IFTAP: variants seen among roughly 807,000 people sequenced by gnomAD.
IFTAP encodes intraflagellar transport associated protein, also known as intraflagellar transport-associated protein.
In IFTAP, 19 loss-of-function variants were observed where a neutral mutation model predicts 19.4. The ratio of observed to expected loss-of-function variants is 0.98; its 90% CI spans 0.68 to 1.44. The LOEUF (loss-of-function observed/expected upper bound fraction) is 1.44. Among genes scored for constraint, IFTAP ranks in the 40% most tolerant of loss-of-function variants. The pLI, the probability that IFTAP is intolerant of heterozygous loss-of-function variation, is 0.00. For missense variants in IFTAP, 240 were observed against 253.6 expected (o/e 0.95, Z 0.36); for synonymous variants, 85 against 83.5 (o/e 1.02, Z -0.10).
chr11:36,648,105 G>A lies in IFTAP; in HGVS notation c.448G>A (p.Glu150Lys). 6.2e-7 allele frequency: 1 copy of A among 1,613,458 alleles called. No homozygotes were observed. The highest frequency in any genetic ancestry group is 2.2e-5 in the East Asian group (1 of 44,866). ...TTTTGTGGCCCAGCCTCCTACCTGTGAAGTGAAGCCAAAGCCCAGTGTTAA... is the reference window on the plus strand; with the variant it reads ...TTTTGTGGCCCAGCCTCCTACCTGTAAAGTGAAGCCAAAGCCCAGTGTTAA... ...IPFVAQPPTC[E>K]VKPKPSVKRM... The change falls in exon 5 of 6, where the codon GAA becomes AAA. Residue 150 changes from glutamate to lysine, a missense_variant. Physicochemically the swap from Glu to Lys is moderately conservative, Grantham distance 56 (BLOSUM62 1). Coordinates refer to ENST00000334307, the MANE Select transcript of IFTAP (RefSeq NM_138787.4).
At chr11:36,606,107 A>G (rs1244318382) in intron 1 of IFTAP, among the ~76,000 whole-genome samples, 1 of 152,218 alleles carries the variant, frequency 6.6e-6, no homozygotes, top group East Asian at 1.9e-4. Context: ...GAAGATGGGT[A>G]TTGTTAAACT....
At chr11:36,597,010 A>G (rs967509691) in intron 1 of IFTAP, among the ~76,000 whole-genome samples, 3 of 152,176 alleles carry the variant, frequency 2.0e-5, no homozygotes, top group Non-Finnish European at 4.4e-5. Context: ...GGCTCATTTC[A>G]TAATTTCAAG....
At chr11:36,626,047 T>A (rs1852498032) in intron 2 of IFTAP, among the ~76,000 whole-genome samples, 1 of 150,798 alleles carries the variant, frequency 6.6e-6, no homozygotes, top group South Asian at 2.1e-4. Flanking sequence ...AGATCGGGCA[T>A]GGATAGCTTT....
chr11:36,639,186 A>G (rs1438958186), intron 4 of IFTAP, among the ~76,000 whole-genome samples: 2 of 150,664 alleles, frequency 1.3e-5, no homozygotes, highest in Non-Finnish European at 3.0e-5. Flanking sequence ...GTTCATCTTT[A>G]TTTTTATGCT....
chr11:36,643,712 A>G (rs1471210966), intron 4 of IFTAP, among the ~76,000 whole-genome samples: 9 of 152,222 alleles, frequency 5.9e-5, no homozygotes, highest in Admixed American at 5.9e-4. Context: ...CAACCATCTG[A>G]TCTTTGACAA....
intron 2 of IFTAP, among the ~76,000 whole-genome samples, chr11:36,627,541 G>C (rs150763515): frequency 6.6e-6 from 1 of 151,188 alleles, no homozygotes; most frequent in African/African-American, 2.5e-5. Context: ...TAAGTTTAAC[G>C]TAGAAAAGGG....
intron 2 of IFTAP, among the ~76,000 whole-genome samples, chr11:36,631,338 A>G (rs1475038705): frequency 1.3e-5 from 2 of 151,344 alleles, no homozygotes; most frequent in Non-Finnish European, 2.9e-5. Context: ...TTTAAAGAGA[A>G]CGTGATGCAT....
At chr11:36,652,886 T>C (rs1853807059) in intron 5 of IFTAP, among the ~76,000 whole-genome samples, 1 of 152,016 alleles carries the variant, frequency 6.6e-6, no homozygotes, top group Non-Finnish European at 1.5e-5. Context: ...CTTGCCTTAG[T>C]TACTTTATTT....
At chr11:36,594,871 T>C (rs1851143429) in intron 1 of IFTAP, 1 of 152,374 alleles carries the variant, frequency 6.6e-6, no homozygotes. Flanking sequence ...CCTGTCTGGA[T>C]GCTTAGGAGC....
At chr11:36,605,430 T>C (rs978190341) in intron 1 of IFTAP, among the ~76,000 whole-genome samples, 19 of 152,176 alleles carry the variant, frequency 1.2e-4, no homozygotes, top group African/African-American at 4.6e-4. Flanking sequence ...AGTAAGTTCA[T>C]TAAGCAGGGA....
At chr11:36,631,635 C>A (rs1263762506) in intron 2 of IFTAP, among the ~76,000 whole-genome samples, 1 of 150,984 alleles carries the variant, frequency 6.6e-6, no homozygotes, top group African/African-American at 2.5e-5. Context: ...TCTGTAACCC[C>A]TTCAGTTACA....
chr11:36,623,182 A>G (rs1852373810), intron 2 of IFTAP, among the ~76,000 whole-genome samples: 1 of 152,140 alleles, frequency 6.6e-6, no homozygotes, highest in Non-Finnish European at 1.5e-5. Flanking sequence ...CAGTAGTTCT[A>G]CTAGTGTGCA....
chr11:36,636,177 C>T lies in IFTAP; in HGVS notation c.358+60C>T, dbSNP rs942431670. On this transcript the variant is annotated intron_variant, in intron 4 of 5. Coordinates refer to ENST00000334307, the MANE Select transcript of IFTAP (RefSeq NM_138787.4). ...CTCTTTCTAGAAACTACAAATAAGG[C>T]TTTAGACAGCTTTCCTGTTTTTGGC... 23 of 1,280,224 alleles carry T rather than the reference C, an allele frequency of 1.8e-5. No homozygotes were observed. The African/African-American group carries it at 3.3e-4, about 18-fold the overall frequency. The allele number at this position is 1,280,224 out of a possible 1,614,324, so 79.3% of individuals were successfully genotyped here. A position where few individuals can be genotyped will look rare whatever the true frequency, so the allele number is the denominator to read the frequency against.
At chr11:36,609,959 T>A (rs1851816317) in intron 1 of IFTAP, 122 bp from the exon 2 acceptor site, 8 of 808,186 alleles carry the variant, frequency 9.9e-6, no homozygotes, top group South Asian at 8.3e-5. Flanking sequence ...AGGTCACTGC[T>A]CTAGTAACTA....
intron 5 of IFTAP, among the ~76,000 whole-genome samples, chr11:36,651,984 C>T (rs1273026519): frequency 3.3e-5 from 5 of 152,118 alleles, no homozygotes; most frequent in Admixed American, 6.6e-5. Context: ...AGTCAGGTAG[C>T]GTGATGCCTC....
intron 4 of IFTAP, among the ~76,000 whole-genome samples, chr11:36,637,044 A>G (rs945540075): frequency 6.6e-6 from 1 of 151,674 alleles, no homozygotes; most frequent in South Asian, 2.1e-4. Flanking sequence ...ATGTTTAACT[A>G]TTGTTTACTG....
intron 5 of IFTAP, among the ~76,000 whole-genome samples, chr11:36,648,815 T>G (rs1426182859): frequency 6.6e-6 from 1 of 152,150 alleles, no homozygotes; most frequent in African/African-American, 2.4e-5. Context: ...TAATGTCGGC[T>G]CACATTCCAT....
intron 4 of IFTAP, 70 bp from the exon 5 acceptor site, chr11:36,647,946 G>T: frequency 6.5e-7 from 1 of 1,543,568 alleles, no homozygotes; most frequent in Non-Finnish European, 8.8e-7. Flanking sequence ...TCGACTTCTG[G>T]GCATTTAAAT....
intron 4 of IFTAP, among the ~76,000 whole-genome samples, chr11:36,638,087 GC>G (rs1369604034): frequency 6.6e-6 from 1 of 151,922 alleles, no homozygotes; most frequent in Non-Finnish European, 1.5e-5. Context: ...TCACTGTGTT[GC>G]CCAGGCTGGT....
Sources: allele counts gnomAD v4.1 joint callset (sites outside exome capture counted in the v4.1 genomes callset), GRCh38; gene constraint gnomAD v4.1.1; transcripts MANE v1.5; gene names NCBI Gene and HGNC (gene_info 2026-07-23, HGNC 2026-07-21).